The following DISP2 variants were observed in gnomAD, a reference collection of about 807,000 sequenced individuals.
DISP2 encodes the protein protein dispatched homolog 2.
DISP2 carries 59 observed loss-of-function variants against 95.5 expected under a neutral mutation model. The observed-to-expected ratio is 0.62, with a 90% CI of 0.50 to 0.77. The LOEUF is 0.77. DISP2 is among the 30% of genes least tolerant of loss of function. The pLI is 0.00. For missense variants in DISP2, 1,752 were observed against 1,854.6 expected, an observed-to-expected ratio of 0.94 and a Z score of 1.02; for synonymous variants, 827 against 815.0, an observed-to-expected ratio of 1.01 and a Z score of -0.25.
intron 1 of DISP2, among the ~76,000 whole-genome samples, chr15:40,360,665 A>T (rs1889392219): frequency 6.6e-6 from 1 of 152,158 alleles, no homozygotes; most frequent in Non-Finnish European, 1.5e-5. Context: ...CTGGGTAACC[A>T]AGAGTGCACC....
Position 40,364,492 on chromosome 15 carries a change from C to T in DISP2, c.551C>T (p.Thr184Ile), listed in dbSNP as rs1008999907. ...MLCLAVIFLC[T>I]LAGLLGARLP... ...TGTCTGGCTGTCATCTTCCTCTGCA[C>T]CCTGGCTGGACTGTTGGGGGCCCGG... The change falls in exon 4 of 8, where the codon ACC becomes ATC. Residue 184 changes from threonine to isoleucine, a missense_variant. This residue lies in a region of DISP2 where 342 missense variants were observed against 364.3 expected (regional missense o/e 0.94). Coordinates refer to ENST00000267889, the MANE Select transcript of DISP2 (RefSeq NM_033510.3). 11 of 1,613,952 alleles carry T rather than the reference C, an allele frequency of 6.8e-6. No homozygotes were observed. Among genetic ancestry groups the T allele is most frequent in the Non-Finnish European group, 9.3e-6 (11 of 1,180,044 alleles).
rs763759924 is a variant in DISP2, at chr15:40,369,347, C to T, written c.3235C>T (p.Pro1079Ser). 3 of 1,613,498 alleles carry T rather than the reference C, an allele frequency of 1.9e-6. No individual in the cohort carries two copies. Among genetic ancestry groups the T allele is most frequent in the Non-Finnish European group, 2.5e-6 (3 of 1,180,020 alleles). The change falls in exon 8 of 8, where the codon CCT (proline) becomes TCT (serine). Residue 1079 changes from proline (P) to serine (S), a missense_variant. By Grantham distance (74) the Pro-to-Ser change is moderately conservative. This residue lies in a region of DISP2 where 317 missense variants were observed against 394.9 expected (regional missense o/e 0.80). Transcript: ENST00000267889. ...ALFAAGVLML[P>S]ATVLLYRKLG... Reference sequence around the variant, plus strand: ...GTTTGCGGCAGGCGTGCTCATGCTGCCTGCCACAGTGCTGCTCTATCGCAA... The same window carrying T: ...GTTTGCGGCAGGCGTGCTCATGCTGTCTGCCACAGTGCTGCTCTATCGCAA...
At chr15:40,358,553 G>GA in intron 1 of DISP2, 113 bp downstream of exon 1, 1 of 843,162 alleles carries the variant, frequency 1.2e-6, no homozygotes, top group East Asian at 3.4e-5. Flanking sequence ...GACCCTCCCG[G>GA]AGCCCCTTCC....
intron 7 of DISP2, among the ~76,000 whole-genome samples, chr15:40,366,008 G>A (rs1889492690): frequency 6.6e-6 from 1 of 152,254 alleles, no homozygotes; most frequent in South Asian, 2.1e-4. Flanking sequence ...AGCGGGTGAG[G>A]AGGCCCTGGC....
rs1889538452 is a variant in DISP2 at position 40,368,008 on chromosome 15, C to A, written c.1896C>A (p.Leu632=). The change falls in exon 8 of 8, where the codon CTC becomes CTA. Residue 632 remains leucine, a synonymous_variant. Coordinates refer to ENST00000267889, the MANE Select transcript of DISP2 (RefSeq NM_033510.3). ...MGTAVLVHLA[L]TLVWLPASAV... ...CGGCTGTGCTGGTGCACCTGGCGCT[C>A]ACGCTGGTCTGGCTGCCCGCCTCCG... 6.5e-7 allele frequency: 1 copy of A among 1,537,876 alleles called. No homozygotes were observed.
chr15:40,367,843 G>C lies in DISP2; in HGVS notation c.1731G>C (p.Gly577=), dbSNP rs202129208. ...GCAAGAGCCAGCTGCCGTCGGGGGG[G>C]CTGGCGCAGCGCGTGGGCCGCACCA... The part of the protein sequence containing the change: ...RLSKSQLPSG[G]LAQRVGRTMH... The change falls in exon 8 of 8, where the codon GGG becomes GGC. Residue 577 remains glycine, a synonymous_variant. Transcript: ENST00000267889. The C allele has an allele frequency of 6.2e-7, 1 of 1,600,974 alleles. No individual in the cohort carries two copies. The highest frequency in any genetic ancestry group is 2.2e-5 in the East Asian group (1 of 44,862).
intron 2 of DISP2, 21 bp from the exon 3 acceptor site, chr15:40,364,205 A>G (rs1318045294): frequency 6.2e-7 from 1 of 1,613,948 alleles, no homozygotes; most frequent in Non-Finnish European, 8.5e-7. Flanking sequence ...GCAAGCAAGC[A>G]TCTTTTCTTC....
At position 40,367,857 on chromosome 15, in the gene DISP2, T is replaced by C. The variant is rs1342146239; in HGVS notation, c.1745T>C (p.Val582Ala). The C allele has an allele frequency of 2.5e-6, 4 of 1,600,106 alleles. No individual in the cohort carries two copies. Among genetic ancestry groups the C allele is most frequent in the Non-Finnish European group, 3.4e-6 (4 of 1,179,810 alleles). ...QLPSGGLAQR[V>A]GRTMHHFGYL... ...CCGTCGGGGGGGCTGGCGCAGCGCG[T>C]GGGCCGCACCATGCACCACTTCGGC... Residue 582 changes from valine to alanine, a missense_variant, in exon 8 of 8, where the codon GTG becomes GCG. Physicochemically the swap from Val to Ala is moderately conservative, Grantham distance 64. Around this residue, in one of 5 missense-constraint regions of DISP2, gnomAD observed 732 missense variants for 714.6 expected, o/e 1.02. Transcript: ENST00000267889.
At position 40,368,547 on chromosome 15, in the gene DISP2, T is replaced by C; in HGVS notation, c.2435T>C (p.Leu812Pro). The C allele has an allele frequency of 6.2e-7, 1 of 1,604,636 alleles. No individual in the cohort carries two copies. Among genetic ancestry groups the C allele is most frequent in the Non-Finnish European group, 8.5e-7 (1 of 1,179,898 alleles). The part of the protein sequence containing the change: ...SASGPEAQRW[L>P]LALCHRARNQ... ...AGCGGCCCTGAGGCCCAGCGCTGGC[T>C]GCTGGCACTCTGTCACCGGGCCCGG... The change falls in exon 8 of 8, where the codon CTG becomes CCG. Residue 812 changes from leucine (L) to proline (P), a missense_variant. By Grantham distance (98) the Leu-to-Pro change is moderately conservative. Transcript: ENST00000267889.
At chr15:40,363,556 T>C (rs1889440141) in intron 1 of DISP2, 69 bp from the exon 2 acceptor site, 7 of 1,165,762 alleles carry the variant, frequency 6.0e-6, no homozygotes, top group East Asian at 2.5e-5. Flanking sequence ...CTGAACTGAA[T>C]AATGCTGGGG....
Position 40,358,260 on chromosome 15 carries a change from G to GCCA in DISP2, c.-60_-59insACC. ...CGCCGCCGCTGCCGCCGCCACCGCC[G>GCCA]CCGCCGCCGCCGCCGCCGCGGCTTC... On this transcript the variant is annotated 5_prime_UTR_variant, in exon 1 of 8. Transcript: ENST00000267889. 1.1e-5 allele frequency: 10 copies of GCCA among 888,006 alleles called. No individual in the cohort carries two copies. Among genetic ancestry groups the GCCA allele is most frequent in the Non-Finnish European group, 1.3e-5 (9 of 701,632 alleles). The allele number at this position is 888,006 out of a possible 1,614,324, so 55.0% of individuals were successfully genotyped here.
rs769363322 is a variant in DISP2, at chr15:40,368,137, G to T, written c.2025G>T (p.Arg675=). 6 of 1,489,764 alleles carry T rather than the reference G, an allele frequency of 4.0e-6. No individual in the cohort carries two copies. Among genetic ancestry groups the T allele is most frequent in the South Asian group, 3.9e-5 (3 of 77,836 alleles). 92.3% of individuals were successfully genotyped at this position (1,489,764 alleles called of 1,614,324 possible). Residue 675 remains arginine (R), a synonymous_variant, in exon 8 of 8, where the codon CGG becomes CGT. Transcript: ENST00000267889. ...GGCTACTGCTGGCGCTGCACCGGCG[G>T]CTCCGCGGCCTGCGGAGGGCGGCGG... The part of the protein sequence containing the change: ...PRRLLLALHR[R]LRGLRRAAAG...
chr15:40,364,275 G>A lies in DISP2; in HGVS notation c.479+20G>A. 6.2e-7 allele frequency: 1 copy of A among 1,614,118 alleles called. No individual in the cohort carries two copies. The highest frequency in any genetic ancestry group is 8.5e-7 in the Non-Finnish European group (1 of 1,180,022). ...AAAGAGGTAGGCCTGGGCCTTCCCT[G>A]GACCTCTAGGGGTGACCAGGCTGGT... On this transcript the variant is annotated intron_variant, in intron 3 of 7. Coordinates refer to ENST00000267889, the MANE Select transcript of DISP2 (RefSeq NM_033510.3).
rs201850219 is a variant in DISP2 at position 40,364,842 on chromosome 15, T to C, written c.608T>C (p.Phe203Ser). The C allele has an allele frequency of 3.1e-6, 5 of 1,613,920 alleles. No individual in the cohort carries two copies. The highest frequency in any genetic ancestry group is 3.4e-6 in the Non-Finnish European group (4 of 1,179,918). The part of the protein sequence containing the change: ...LPDFSKPLLG[F>S]EPRDTDIGSK... ...TCTCCACCCTCCTCCCTGCAGGGCTTTGAGCCACGGGACACAGACATTGGG... is the reference window on the plus strand; with the variant it reads ...TCTCCACCCTCCTCCCTGCAGGGCTCTGAGCCACGGGACACAGACATTGGG... The change falls in exon 5 of 8, where the codon TTT (phenylalanine) becomes TCT (serine). Residue 203 changes from phenylalanine (F) to serine (S), a missense_variant. Transcript: ENST00000267889.
rs1163027849 is a variant in DISP2, at chr15:40,376,863, A to G, written c.*6545A>G. The G allele has an allele frequency of 3.3e-5, 5 of 152,236 alleles. No homozygotes were observed. The highest frequency in any genetic ancestry group is 7.3e-5 in the Non-Finnish European group (5 of 68,034). 9.4% of individuals were successfully genotyped at this position (152,236 alleles called of 1,614,324 possible). Reference sequence around the variant, plus strand: ...GTGAGATGGTTGACACAGGATACATATTAACCACATTGATTTGAATGGAAA... The same window carrying G: ...GTGAGATGGTTGACACAGGATACATGTTAACCACATTGATTTGAATGGAAA... On this transcript the variant is annotated 3_prime_UTR_variant, in exon 8 of 8. Transcript: ENST00000267889.
Position 40,367,508 on chromosome 15 carries a change from T to G in DISP2, c.1396T>G (p.Tyr466Asp), listed in dbSNP as rs757793651. 3 of 1,613,694 alleles carry G rather than the reference T, an allele frequency of 1.9e-6. No individual in the cohort carries two copies. The Admixed American group carries it at 5.0e-5, about 27-fold the overall frequency. ...CACCCCCTGGGGGCTTGCTGACAAC[T>G]ACACCTCTGTCACTGGCATGGACCT... ...LATPWGLADN[Y>D]TSVTGMDLGL... Residue 466 changes from tyrosine (Y) to aspartate (D), a missense_variant, in exon 8 of 8, where the codon TAC becomes GAC. Tyr to Asp is a radical substitution (Grantham distance 160). Transcript: ENST00000267889.
intron 2 of DISP2, 51 bp downstream of exon 2, chr15:40,364,005 G>T (rs1443227751): frequency 5.3e-6 from 8 of 1,511,334 alleles, no homozygotes; most frequent in Non-Finnish European, 7.1e-6. Context: ...ATGCGGTGGG[G>T]CTTAAGAGTG....
In DISP2 at chr15:40,373,653, G is replaced by A. The variant is rs34230187; in HGVS notation, c.*3335G>A. 26,230 of 151,902 alleles carry A rather than the reference G, an allele frequency of 0.17. 2,520 individuals carry two copies. The highest frequency in any genetic ancestry group is 0.22 in the Non-Finnish European group (14,689 of 67,982). The allele number at this position is 151,902 out of a possible 1,614,324, so 9.4% of individuals were successfully genotyped here. ...CGGGATGCAGAGGTTGAAGTGAGCC[G>A]AGATCGTGCCACTGCACTCCAGCCT... On this transcript the variant is annotated 3_prime_UTR_variant, in exon 8 of 8. Coordinates refer to ENST00000267889, the MANE Select transcript of DISP2 (RefSeq NM_033510.3).
intron 1 of DISP2, 60 bp downstream of exon 1, chr15:40,358,500 G>A (rs1050994036): frequency 1.0e-4 from 118 of 1,133,168 alleles, no homozygotes; most frequent in Non-Finnish European, 1.2e-4. Context: ...CCCCGCCCCA[G>A]GTATCCCCAG....
Sources: allele counts gnomAD v4.1 joint callset (sites outside exome capture counted in the v4.1 genomes callset), GRCh38; gene constraint gnomAD v4.1.1; regional missense constraint gnomAD v4.1.1; transcripts MANE v1.5; gene names NCBI Gene and HGNC (gene_info 2026-07-23, HGNC 2026-07-21).